UBE2W: variants seen among roughly 807,000 people sequenced by gnomAD.
UBE2W encodes the protein ubiquitin conjugating enzyme E2 W.
Under a neutral mutation model 27.2 loss-of-function variants are expected in UBE2W, and 18 were observed. The observed-to-expected ratio is 0.66, with a 90% CI of 0.46 to 0.98. The LOEUF is 0.98. Ranked by LOEUF, UBE2W falls within the 50% of genes least tolerant of loss-of-function variation. The pLI is 0.00. For missense variants in UBE2W, 90 were observed against 180.2 expected (o/e 0.50, Z 2.87); for synonymous variants, 53 against 57.2 (o/e 0.93, Z 0.33).
chr8:73,865,691 GT>G (rs1268640382), intron 1 of UBE2W, among the ~76,000 whole-genome samples: 1 of 152,028 alleles, frequency 6.6e-6, no homozygotes, highest in Non-Finnish European at 1.5e-5. Context: ...AATGTAACAA[GT>G]TTTCTTTTAT....
intron 4 of UBE2W, among the ~76,000 whole-genome samples, chr8:73,808,363 T>C (rs1233455468): frequency 2.0e-5 from 3 of 152,214 alleles, no homozygotes; most frequent in Non-Finnish European, 4.4e-5. Flanking sequence ...ACCTCCCAAG[T>C]AGCTGGGACT....
At chr8:73,858,981 T>TGC (rs200877745) in intron 1 of UBE2W, among the ~76,000 whole-genome samples, 861 of 7,982 alleles carry the variant, frequency 0.11, 18 homozygotes, top group African/African-American at 0.18. Flanking sequence ...GGTTTTTGCG[T>TGC]GTGTGTGTGT....
chr8:73,787,471 T>G lies in UBE2W; in HGVS notation c.*6631A>C. 2.0e-6 allele frequency: 2 copies of G among 985,384 alleles called. No individual in the cohort carries two copies. The highest frequency in any genetic ancestry group is 9.4e-5 in the South Asian group (2 of 21,282). 61.0% of individuals were successfully genotyped at this position (985,384 alleles called of 1,614,324 possible). ...AAAGTACAAAAGATGGTTCATATAT[T>G]TATCTAACCATCTACTAACATAGTT... On this transcript the variant is annotated 3_prime_UTR_variant, in exon 6 of 6. Transcript: ENST00000602593.
rs1808123954 is a variant in UBE2W, at chr8:73,789,908, A to G, written c.*4194T>C. 2.0e-6 allele frequency: 2 copies of G among 979,518 alleles called. No homozygotes were observed. Among genetic ancestry groups the G allele is most frequent in the Non-Finnish European group, 2.4e-6 (2 of 824,708 alleles). The allele number at this position is 979,518 out of a possible 1,614,324, so 60.7% of individuals were successfully genotyped here. Reference sequence around the variant, plus strand: ...CAAAATGACTTAGAAATTTAAATGGAAAAAATAAATAATTTGCTTGGACAA... The same window carrying G: ...CAAAATGACTTAGAAATTTAAATGGGAAAAATAAATAATTTGCTTGGACAA... On this transcript the variant is annotated 3_prime_UTR_variant, in exon 6 of 6. Coordinates refer to ENST00000602593, the MANE Select transcript of UBE2W (RefSeq NM_018299.6).
intron 1 of UBE2W, among the ~76,000 whole-genome samples, chr8:73,867,331 T>TA (rs149544135): frequency 6.6e-6 from 1 of 152,086 alleles, no homozygotes; most frequent in African/African-American, 2.4e-5. Flanking sequence ...GCTCAAGAGA[T>TA]AGAGACTATC....
At chr8:73,842,268 C>T (rs1810563113) in intron 1 of UBE2W, among the ~76,000 whole-genome samples, 1 of 151,956 alleles carries the variant, frequency 6.6e-6, no homozygotes, top group African/African-American at 2.4e-5. Flanking sequence ...GTGGCTCACA[C>T]CTGTAATTCC....
At chr8:73,845,721 A>T (rs184366950) in intron 1 of UBE2W, among the ~76,000 whole-genome samples, 262 of 140,876 alleles carry the variant, frequency 1.9e-3, no homozygotes, top group East Asian at 7.1e-3. Context: ...AAAAAAATTT[A>T]AAAAAAAAAA....
intron 3 of UBE2W, among the ~76,000 whole-genome samples, chr8:73,820,671 G>A (rs1809572732): frequency 6.6e-6 from 1 of 152,118 alleles, no homozygotes; most frequent in Non-Finnish European, 1.5e-5. Flanking sequence ...AAGCCCAGGA[G>A]GCAGAGGTTG....
intron 1 of UBE2W, among the ~76,000 whole-genome samples, chr8:73,836,463 C>T (rs1471435175): frequency 6.6e-6 from 1 of 152,184 alleles, no homozygotes; most frequent in African/African-American, 2.4e-5. Flanking sequence ...ACAGAATTCA[C>T]CCTTAGTTGC....
intron 2 of UBE2W, 99 bp downstream of exon 2, chr8:73,830,281 GA>G: frequency 1.2e-6 from 1 of 831,088 alleles, no homozygotes; most frequent in East Asian, 2.5e-5. Context: ...CTTGGTGAAA[GA>G]ATGAAATGTG....
intron 5 of UBE2W, among the ~76,000 whole-genome samples, chr8:73,800,576 G>C (rs1040660539): frequency 1.3e-5 from 2 of 152,098 alleles, no homozygotes; most frequent in Non-Finnish European, 2.9e-5. Flanking sequence ...AGGTGAAAGA[G>C]GAAAGGATAA....
intron 5 of UBE2W, among the ~76,000 whole-genome samples, 197 bp downstream of exon 5, chr8:73,805,454 C>CAAAAAAAAAAACAAAACAAAAAAAA: frequency 6.9e-5 from 1 of 14,580 alleles, no homozygotes; most frequent in Non-Finnish European, 1.3e-4. Context: ...AACTCCATCT[C>CAAAAAAAAAAACAAAACAAAAAAAA]AAAAAAAAAA....
At chr8:73,872,386 T>C (rs748936840) in intron 1 of UBE2W, among the ~76,000 whole-genome samples, 4 of 152,226 alleles carry the variant, frequency 2.6e-5, no homozygotes, top group Non-Finnish European at 5.9e-5. Context: ...AAAGGAATAA[T>C]TTAAAATTCA....
chr8:73,869,181 T>C (rs1169618503), intron 1 of UBE2W, among the ~76,000 whole-genome samples: 1 of 152,152 alleles, frequency 6.6e-6, no homozygotes, highest in Non-Finnish European at 1.5e-5. Flanking sequence ...ATCGCAACAC[T>C]TTGGGAAGCC....
downstream of UBE2W, among the ~76,000 whole-genome samples, chr8:73,783,187 A>G (rs2130825784): frequency 6.6e-6 from 1 of 152,232 alleles, no homozygotes; most frequent in South Asian, 2.1e-4. Context: ...TTGCAAAGAT[A>G]TTGTCTTGTT....
chr8:73,858,889 T>C (rs1473725809), intron 1 of UBE2W, among the ~76,000 whole-genome samples: 1 of 150,638 alleles, frequency 6.6e-6, no homozygotes, highest in African/African-American at 2.4e-5. Context: ...CGTGTGTGTG[T>C]GTGTGTGTGT....
chr8:73,797,571 G>C (rs549161449), intron 5 of UBE2W, among the ~76,000 whole-genome samples: 1 of 152,170 alleles, frequency 6.6e-6, no homozygotes, highest in Non-Finnish European at 1.5e-5. Context: ...TCACAACACA[G>C]GTAAATCTAT....
At chr8:73,851,576 C>T (rs1053734024) in intron 1 of UBE2W, among the ~76,000 whole-genome samples, 2 of 151,948 alleles carry the variant, frequency 1.3e-5, no homozygotes, top group Non-Finnish European at 2.9e-5. Flanking sequence ...TGGCAATAAA[C>T]ATATGTAAAG....
chr8:73,821,240 C>T lies in UBE2W; in HGVS notation c.210+3907G>A, dbSNP rs192903353. Among the ~76,000 whole-genome samples the T allele has an allele frequency of 1.6e-3, 242 of 152,166 alleles. 1 individual carries two copies. The highest frequency in any genetic ancestry group is 1.8e-3 in the Non-Finnish European group (121 of 68,018). ...ACTTCACTTCTACAAGTTTCAATTT[C>T]TTCACATATAAAATGAGGATGAATC... On this transcript the variant is annotated intron_variant, in intron 3 of 5. Transcript: ENST00000602593.
Sources: allele counts gnomAD v4.1 joint callset (sites outside exome capture counted in the v4.1 genomes callset), GRCh38; gene constraint gnomAD v4.1.1; transcripts MANE v1.5; gene names NCBI Gene and HGNC (gene_info 2026-07-23, HGNC 2026-07-21).